Variants in ZRANB1 observed in about 807,000 individuals in gnomAD.
The protein encoded by ZRANB1 is zinc finger RANBP2-type containing 1.
ZRANB1 carries 16 observed loss-of-function variants against 80.5 expected under a neutral mutation model. The observed-to-expected ratio is 0.20, with a 90% CI of 0.13 to 0.30. ZRANB1 has a LOEUF of 0.30. Ranked by LOEUF, ZRANB1 falls within the 10% of genes least tolerant of loss-of-function variation. The pLI is 1.00. For missense variants in ZRANB1, 576 were observed against 862.6 expected (o/e 0.67, Z 4.16); for synonymous variants, 291 against 293.1 (o/e 0.99, Z 0.07).
chr10:124,958,754 C>T (rs1951706755), intron 1 of ZRANB1, among the ~76,000 whole-genome samples: 4 of 152,170 alleles, frequency 2.6e-5, no homozygotes, highest in Admixed American at 2.6e-4. Context: ...TTAAGAATGG[C>T]ATGCTGTCTC....
chr10:124,937,685 A>T (rs1951500342), upstream of ZRANB1, among the ~76,000 whole-genome samples: 1 of 152,236 alleles, frequency 6.6e-6, no homozygotes. Context: ...GCCTGCTATT[A>T]GTACATATAC....
At position 124,947,645 on chromosome 10, in the gene ZRANB1, A is replaced by G. The variant is rs191842642; in HGVS notation, c.814+4338A>G. Among the ~76,000 whole-genome samples, 102 of 152,186 alleles carry G rather than the reference A, an allele frequency of 6.7e-4. 1 individual carries two copies. The highest frequency in any genetic ancestry group is 1.2e-3 in the Non-Finnish European group (80 of 67,998). ...GCTCAGTAATGCTAAAACAGAACTG[A>G]TCTCTCCTTCAAATCTATTTTTTCC... On this transcript the variant is annotated intron_variant, in intron 1 of 8. Transcript: ENST00000359653.
At chr10:124,971,835 A>T in intron 2 of ZRANB1, 130 bp from the exon 3 acceptor site, 1 of 770,164 alleles carries the variant, frequency 1.3e-6, no homozygotes, top group Non-Finnish European at 1.9e-6. Context: ...AGGAAATAAT[A>T]CCAGTGTATT....
At chr10:124,963,158 C>T (rs928908175) in intron 1 of ZRANB1, among the ~76,000 whole-genome samples, 8 of 149,792 alleles carry the variant, frequency 5.3e-5, no homozygotes, top group African/African-American at 1.2e-4. Context: ...CCCAGCTGCT[C>T]AGGAGGCTGA....
the ZRANB1 span, among the ~76,000 whole-genome samples, chr10:124,918,691 A>C: frequency 1.3e-5 from 2 of 152,358 alleles, no homozygotes; most frequent in South Asian, 4.1e-4. Flanking sequence ...CTCTTGGGAA[A>C]GTCATCTGAA....
intron 2 of ZRANB1, among the ~76,000 whole-genome samples, chr10:124,969,549 A>G (rs1212992033): frequency 6.6e-6 from 1 of 152,206 alleles, no homozygotes; most frequent in Non-Finnish European, 1.5e-5. Context: ...TTTCTGTGTC[A>G]TGGACCATGT....
chr10:124,984,675 C>A, intron 8 of ZRANB1, 99 bp from the exon 9 acceptor site: 1 of 1,251,142 alleles, frequency 8.0e-7, no homozygotes. Flanking sequence ...TTGGCCTTTT[C>A]ATGAGTTAGC....
chr10:124,956,312 A>T (rs1589845376), intron 1 of ZRANB1, among the ~76,000 whole-genome samples: 1 of 152,212 alleles, frequency 6.6e-6, no homozygotes, highest in East Asian at 1.9e-4. Context: ...AACTAACTTT[A>T]AAAAGTTGCG....
intron 2 of ZRANB1, 28 bp downstream of exon 2, chr10:124,966,809 C>A (rs1035034920): frequency 1.3e-6 from 2 of 1,584,016 alleles, no homozygotes; most frequent in Non-Finnish European, 1.7e-6. Context: ...GTTAAATGTT[C>A]TTTTATATTA....
At chr10:124,917,558 C>T in the ZRANB1 span, among the ~76,000 whole-genome samples, 1 of 152,216 alleles carries the variant, frequency 6.6e-6, no homozygotes, top group Admixed American at 6.5e-5. Flanking sequence ...CCCACCGCCG[C>T]TCTTCCGCCA....
upstream of ZRANB1, among the ~76,000 whole-genome samples, chr10:124,937,995 T>G (rs894149926): frequency 1.3e-5 from 2 of 152,220 alleles, no homozygotes; most frequent in Admixed American, 6.5e-5. Context: ...ACCAATTAAT[T>G]GAAGTTTGAG....
rs139990222 is a variant in ZRANB1, at chr10:124,957,622, G to A, written c.815-8972G>A. Reference sequence around the variant, plus strand: ...CTTCCTGTCAATCAATTTGACTGTCGTAATAACCTCATGAATGGAATCATA... The same window carrying A: ...CTTCCTGTCAATCAATTTGACTGTCATAATAACCTCATGAATGGAATCATA... On this transcript the variant is annotated intron_variant, in intron 1 of 8. Coordinates refer to ENST00000359653, the MANE Select transcript of ZRANB1 (RefSeq NM_017580.3). Among the ~76,000 whole-genome samples, 20 of 152,032 alleles carry A rather than the reference G, an allele frequency of 1.3e-4. No homozygotes were observed. The East Asian group carries it at 3.5e-3, about 26-fold the overall frequency.
chr10:124,920,890 G>C, the ZRANB1 span, among the ~76,000 whole-genome samples: 1 of 152,026 alleles, frequency 6.6e-6, no homozygotes, highest in African/African-American at 2.4e-5. Flanking sequence ...ATTCAGCACT[G>C]AAAATATGAA....
chr10:124,929,668 C>T, the ZRANB1 span, among the ~76,000 whole-genome samples: 1 of 151,556 alleles, frequency 6.6e-6, no homozygotes, highest in East Asian at 2.0e-4. Flanking sequence ...AAAATGGAGG[C>T]TGGGCGCCGT....
At chr10:124,978,824 T>C (rs1272732862) in intron 5 of ZRANB1, among the ~76,000 whole-genome samples, 1 of 150,680 alleles carries the variant, frequency 6.6e-6, no homozygotes, top group East Asian at 2.0e-4. Flanking sequence ...TTGTATTTTT[T>C]TGTAGAGACG....
intron 1 of ZRANB1, among the ~76,000 whole-genome samples, chr10:124,954,381 C>G (rs1951672108): frequency 6.7e-6 from 1 of 149,872 alleles, no homozygotes; most frequent in South Asian, 2.1e-4. Flanking sequence ...TTAAAACCAT[C>G]TAATTGCCCT....
chr10:124,984,749 C>T, intron 8 of ZRANB1, 25 bp from the exon 9 acceptor site: 2 of 1,606,894 alleles, frequency 1.2e-6, no homozygotes, highest in Non-Finnish European at 1.7e-6. Flanking sequence ...ATGATTTTCC[C>T]TTTGTCTTCA....
chr10:124,947,969 C>T (rs983969175), intron 1 of ZRANB1, among the ~76,000 whole-genome samples: 1 of 152,176 alleles, frequency 6.6e-6, no homozygotes, highest in Non-Finnish European at 1.5e-5. Context: ...CTCAAAAACT[C>T]TACAAGGCCA....
At chr10:124,974,504 G>A in intron 5 of ZRANB1, 106 bp downstream of exon 5, 1 of 1,198,736 alleles carries the variant, frequency 8.3e-7, no homozygotes, top group Middle Eastern at 2.7e-4. Flanking sequence ...TATGGAAACT[G>A]GAGGAAAAAC....
Sources: gnomAD v4.1 joint callset for allele counts (sites outside exome capture counted in the v4.1 genomes callset) on GRCh38, gnomAD v4.1.1 for gene constraint, MANE v1.5 for transcripts, NCBI Gene and HGNC (gene_info 2026-07-23, HGNC 2026-07-21) for gene names.